CYTH3: variants seen among roughly 807,000 people sequenced by gnomAD.
The protein encoded by CYTH3 is cytohesin-3.
CYTH3 carries 23 observed loss-of-function variants against 55.1 expected under a neutral mutation model. The ratio of observed to expected loss-of-function variants is 0.42; its 90% CI spans 0.30 to 0.59. The LOEUF (loss-of-function observed/expected upper bound fraction) is 0.59, where lower values mean the gene tolerates loss of function less well. Among genes scored for constraint, CYTH3 ranks in the 20% least tolerant of loss-of-function variants. The pLI, the probability that CYTH3 is intolerant of heterozygous loss-of-function variation, is 0.20. For synonymous variants in CYTH3, 249 were observed against 194.9 expected (o/e 1.28, Z -2.31); for missense variants, 413 against 524.8 (o/e 0.79, Z 2.08).
At chr7:6,181,301 G>A (rs184063950) in intron 4 of CYTH3, among the ~76,000 whole-genome samples, 3 of 152,170 alleles carry the variant, frequency 2.0e-5, no homozygotes, top group African/African-American at 2.4e-5. Context: ...TTGTTTTGAG[G>A]TGTCACGCTC....
In CYTH3 at chr7:6,259,766, TATATATTATATATATATA is replaced by T. The variant is rs1338636126; in HGVS notation, c.34+12690_34+12707del. On this transcript the variant is annotated intron_variant, in intron 1 of 12. Coordinates refer to ENST00000350796, the MANE Select transcript of CYTH3 (RefSeq NM_004227.4). ...ATAATATATATATATATTATATATATATATATTATATATATATAATATATATATATATATATATATATA... is the reference window on the plus strand; with the variant it reads ...ATAATATATATATATATTATATATATATATATATATATATATATATATATA... Among the ~76,000 whole-genome samples, 21 of 24,748 alleles carry T rather than the reference TATATATTATATATATATA, an allele frequency of 8.5e-4. 1 individual carries two copies. Among genetic ancestry groups the T allele is most frequent in the Non-Finnish European group, 1.1e-3 (19 of 17,750 alleles). 16.2% of individuals were successfully genotyped at this position (24,748 alleles called of 152,430 possible). A position where few individuals can be genotyped will look rare whatever the true frequency, so the allele number is the denominator to read the frequency against.
chr7:6,233,534 T>C (rs2128553993), intron 1 of CYTH3, among the ~76,000 whole-genome samples: 1 of 151,882 alleles, frequency 6.6e-6, no homozygotes, highest in Admixed American at 6.6e-5. Context: ...TGGGCACCTG[T>C]AGTCCCAGCT....
At chr7:6,229,761 G>C (rs1583180460) in intron 1 of CYTH3, among the ~76,000 whole-genome samples, 1 of 150,952 alleles carries the variant, frequency 6.6e-6, no homozygotes, top group East Asian at 1.9e-4. Context: ...AGTTTGCCAT[G>C]AGCTGAGATC....
At chr7:6,189,692 G>A (rs1783749465) in intron 2 of CYTH3, among the ~76,000 whole-genome samples, 1 of 151,956 alleles carries the variant, frequency 6.6e-6, no homozygotes, top group Non-Finnish European at 1.5e-5. Context: ...TCACTCAAAG[G>A]GCATCTGAGA....
intron 9 of CYTH3, among the ~76,000 whole-genome samples, chr7:6,168,106 CTCTCTG>C (rs1312873546): frequency 6.6e-6 from 1 of 152,194 alleles, no homozygotes; most frequent in Admixed American, 6.5e-5. Context: ...GAGCCACTTT[CTCTCTG>C]TAAGTTTCTG....
In CYTH3 at chr7:6,164,738, G is replaced by A. The variant is rs528183867; in HGVS notation, c.*206C>T. 6.1e-6 allele frequency: 4 copies of A among 658,254 alleles called. No homozygotes were observed. The highest frequency in any genetic ancestry group is 3.5e-5 in the South Asian group (2 of 56,576). The allele number at this position is 658,254 out of a possible 1,614,324, so 40.8% of individuals were successfully genotyped here. ...CTGGGCCACGGTACGCTCTGGAGCAGCAGCTTGCACTGCAGGGCGACCACC... is the reference window on the plus strand; with the variant it reads ...CTGGGCCACGGTACGCTCTGGAGCAACAGCTTGCACTGCAGGGCGACCACC... On this transcript the variant is annotated 3_prime_UTR_variant, in exon 13 of 13. Transcript: ENST00000350796.
chr7:6,182,030 T>A (rs181020466), intron 4 of CYTH3, among the ~76,000 whole-genome samples: 421 of 152,260 alleles, frequency 2.8e-3, no homozygotes, highest in African/African-American at 9.7e-3. Flanking sequence ...ATTGTTTTTT[T>A]GCTTCTTCTG....
intron 1 of CYTH3, among the ~76,000 whole-genome samples, chr7:6,236,157 G>C (rs535002825): frequency 2.1e-4 from 32 of 152,050 alleles, no homozygotes; most frequent in Non-Finnish European, 3.8e-4. Context: ...CACAGACAAG[G>C]GTTTTAGAAA....
At chr7:6,172,463 G>A (rs555737099) in intron 6 of CYTH3, among the ~76,000 whole-genome samples, 10 of 152,006 alleles carry the variant, frequency 6.6e-5, no homozygotes, top group Non-Finnish European at 1.3e-4. Context: ...GATGCGTCTC[G>A]AGTCAGCCCG....
chr7:6,258,869 C>T (rs761186847), intron 1 of CYTH3, among the ~76,000 whole-genome samples: 2 of 152,084 alleles, frequency 1.3e-5, no homozygotes, highest in Non-Finnish European at 2.9e-5. Context: ...TTTGATGAAC[C>T]CTCATATTAT....
chr7:6,179,627 C>A (rs1390461400), intron 4 of CYTH3, among the ~76,000 whole-genome samples: 7 of 113,066 alleles, frequency 6.2e-5, no homozygotes, highest in African/African-American at 1.4e-4. Flanking sequence ...CACACACCCC[C>A]CACATACACC....
In CYTH3 at chr7:6,202,314, G is replaced by C. The variant is rs900048287; in HGVS notation, c.35-11783C>G. Among the ~76,000 whole-genome samples, 8 of 152,202 alleles carry C rather than the reference G, an allele frequency of 5.3e-5. No homozygotes were observed. In the East Asian group the frequency reaches 1.2e-3, roughly 22 times the overall value. ...CTCAGCCAAGGCCCCAGACGAACGC[G>C]TAAGTGAAGTCATCTGGGACGGGCT... On this transcript the variant is annotated intron_variant, in intron 1 of 12. Transcript: ENST00000350796.
chr7:6,220,411 A>G (rs537080039), intron 1 of CYTH3, among the ~76,000 whole-genome samples: 1 of 152,220 alleles, frequency 6.6e-6, no homozygotes, highest in East Asian at 1.9e-4. Context: ...AATCTTTGAG[A>G]GCGAAGGCTT....
intron 1 of CYTH3, among the ~76,000 whole-genome samples, chr7:6,239,793 T>C (rs1779626367): frequency 6.6e-6 from 1 of 152,084 alleles, no homozygotes; most frequent in Non-Finnish European, 1.5e-5. Context: ...AATATCCAAA[T>C]AAATTTAATA....
At chr7:6,184,380 G>C (rs2128542423) in intron 4 of CYTH3, among the ~76,000 whole-genome samples, 1 of 151,928 alleles carries the variant, frequency 6.6e-6, no homozygotes, top group Non-Finnish European at 1.5e-5. Context: ...TATTGTGTTA[G>C]GAAGGCTCAA....
chr7:6,194,609 A>C (rs557113176), intron 1 of CYTH3, among the ~76,000 whole-genome samples: 3 of 152,244 alleles, frequency 2.0e-5, no homozygotes, highest in African/African-American at 7.2e-5. Flanking sequence ...ACTCCCAGGT[A>C]TATCAGAAAA....
At chr7:6,187,247 C>A (rs1239042093) in intron 3 of CYTH3, 131 bp from the exon 4 acceptor site, 2 of 898,132 alleles carry the variant, frequency 2.2e-6, no homozygotes, top group East Asian at 4.9e-5. Context: ...ACGGAGGGGC[C>A]CCCAGTCTCC....
At chr7:6,250,987 A>C (rs980850618) in intron 1 of CYTH3, among the ~76,000 whole-genome samples, 1 of 152,226 alleles carries the variant, frequency 6.6e-6, no homozygotes, top group Non-Finnish European at 1.5e-5. Flanking sequence ...TCATACATAA[A>C]TCTGAGAAGA....
At chr7:6,199,839 C>A (rs1784018731) in intron 1 of CYTH3, among the ~76,000 whole-genome samples, 1 of 151,980 alleles carries the variant, frequency 6.6e-6, no homozygotes, top group Non-Finnish European at 1.5e-5. Context: ...TAAAACAGAA[C>A]AAAGGTTGGG....
Sources: allele counts gnomAD v4.1 joint callset (sites outside exome capture counted in the v4.1 genomes callset), GRCh38; gene constraint gnomAD v4.1.1; transcripts MANE v1.5; gene names NCBI Gene and HGNC (gene_info 2026-07-23, HGNC 2026-07-21).